Variants in DDX19B observed in about 807,000 individuals in gnomAD.
The protein encoded by DDX19B is ATP-dependent RNA helicase DDX19B.
DDX19B carries 27 observed loss-of-function variants against 58.1 expected under a neutral mutation model. The observed-to-expected ratio is 0.46, with a 90% confidence interval of 0.34 to 0.64. The LOEUF is 0.64. Ranked by LOEUF, DDX19B falls within the 30% of genes least tolerant of loss-of-function variation. The probability of loss-of-function intolerance (pLI) is 0.01; values close to 1 mark genes in which losing one functional copy is unlikely to be tolerated. For missense variants in DDX19B, 399 were observed against 596.5 expected (o/e 0.67, Z 3.45); for synonymous variants, 187 against 214.4 (o/e 0.87, Z 1.12).
At chr16:70,303,239 C>T (rs918071230) in intron 1 of DDX19B, among the ~76,000 whole-genome samples, 2 of 152,170 alleles carry the variant, frequency 1.3e-5, no homozygotes, top group African/African-American at 4.8e-5. Context: ...ACCTCCACCT[C>T]CTGGGCTCAA....
upstream of DDX19B, chr16:70,294,873 G>A (rs1211734874): frequency 6.5e-7 from 1 of 1,526,772 alleles, no homozygotes; most frequent in East Asian, 2.5e-5. Context: ...GCGCGTCCAA[G>A]ATCGCGCCCT....
rs1963632769 is a variant in DDX19B at position 70,334,506 on chromosome 16, A to G, written c.*924A>G. ...AAGTCTTCATGGCCAGCCTCAAGGC[A>G]GTTCTAGATGTGATCAGCAGTAGTC... is the stretch of plus-strand genomic sequence containing the variant. On this transcript the variant is annotated 3_prime_UTR_variant, in exon 12 of 12. Coordinates refer to ENST00000288071, the MANE Select transcript of DDX19B (RefSeq NM_007242.7). 1 of 152,232 alleles carries G rather than the reference A, an allele frequency of 6.6e-6. No homozygotes were observed. The highest frequency in any genetic ancestry group is 1.5e-5 in the Non-Finnish European group (1 of 68,066). 9.4% of individuals were successfully genotyped at this position (152,232 alleles called of 1,614,324 possible).
In DDX19B at chr16:70,317,500, C is replaced by T. The variant is rs1393702129; in HGVS notation, c.301C>T (p.Pro101Ser). 6.2e-7 allele frequency: 1 copy of T among 1,610,916 alleles called. No individual in the cohort carries two copies. Among genetic ancestry groups the T allele is most frequent in the Admixed American group, 1.7e-5 (1 of 59,354 alleles). The change falls in exon 5 of 12, where the codon CCA becomes TCA. Residue 101 changes from proline (P) to serine (S), a missense_variant. Pro to Ser is a moderately conservative substitution (Grantham distance 74, BLOSUM62 -1). This residue lies in a region of DDX19B where 132 missense variants were observed against 159.4 expected (regional missense o/e 0.83). Coordinates refer to ENST00000288071, the MANE Select transcript of DDX19B (RefSeq NM_007242.7). Reference sequence around the variant, plus strand: ...CATCTTTAACTGTTTTTCTAGGAAACCACAGCTTCTCCAAGGAGTCTATGC... The same window carrying T: ...CATCTTTAACTGTTTTTCTAGGAAATCACAGCTTCTCCAAGGAGTCTATGC... ...VKSFEELRLK[P>S]QLLQGVYAMG... is the part of the protein sequence containing the mutation.
At chr16:70,327,388 C>T (rs1360575260) in intron 7 of DDX19B, among the ~76,000 whole-genome samples, 3 of 151,810 alleles carry the variant, frequency 2.0e-5, no homozygotes, top group Non-Finnish European at 4.4e-5. Context: ...GAAAAATTAG[C>T]CAGGTGTGGT....
chr16:70,306,116 G>C (rs1056104260), intron 1 of DDX19B, among the ~76,000 whole-genome samples: 2 of 151,464 alleles, frequency 1.3e-5, no homozygotes, highest in Admixed American at 1.3e-4. Context: ...CTAACTTCTT[G>C]TTAGGTCAGT....
In DDX19B at chr16:70,335,082, T is replaced by G. The variant is rs143659530; in HGVS notation, c.*1500T>G. On this transcript the variant is annotated 3_prime_UTR_variant, in exon 12 of 12. Transcript: ENST00000288071. ...CCAGGTGATTTCTTTAATCTGACATTACAAAGAGACCAACAGACTGCCAAT... is the reference window on the plus strand; with the variant it reads ...CCAGGTGATTTCTTTAATCTGACATGACAAAGAGACCAACAGACTGCCAAT... 2 of 152,352 alleles carry G rather than the reference T, an allele frequency of 1.3e-5. No individual in the cohort carries two copies. The highest frequency in any genetic ancestry group is 2.9e-5 in the Non-Finnish European group (2 of 68,052). 9.4% of individuals were successfully genotyped at this position (152,352 alleles called of 1,614,324 possible).
rs952692567 is a variant in DDX19B at position 70,334,354 on chromosome 16, G to T, written c.*772G>T. 6.6e-6 allele frequency: 1 copy of T among 151,994 alleles called. No homozygotes were observed. Among genetic ancestry groups the T allele is most frequent in the Non-Finnish European group, 1.5e-5 (1 of 68,090 alleles). The allele number at this position is 151,994 out of a possible 1,614,324, so 9.4% of individuals were successfully genotyped here. A position where few individuals can be genotyped will look rare whatever the true frequency, so the allele number is the denominator to read the frequency against. On this transcript the variant is annotated 3_prime_UTR_variant, in exon 12 of 12. Coordinates refer to ENST00000288071, the MANE Select transcript of DDX19B (RefSeq NM_007242.7). Reference sequence around the variant, plus strand: ...ATGGAGAATTAGTGGTGGCCCTAGCGTGCCACAAAACCTGGTCTCATGAGC... The same window carrying T: ...ATGGAGAATTAGTGGTGGCCCTAGCTTGCCACAAAACCTGGTCTCATGAGC...
intron 5 of DDX19B, among the ~76,000 whole-genome samples, chr16:70,324,055 GT>G (rs1963002178): frequency 1.3e-5 from 2 of 152,238 alleles, no homozygotes; most frequent in South Asian, 4.1e-4. Context: ...GGGAGAGAGA[GT>G]AGTAGGAAAT....
Position 70,317,559 on chromosome 16 carries a change from G to A in DDX19B, c.360G>A (p.Glu120=). ...TCAATCGTCCATCCAAGATACAAGA[G>A]AACGCATTGCCACTGATGCTTGCTG... ...MGFNRPSKIQ[E]NALPLMLAEP... Residue 120 remains glutamate (E), a synonymous_variant, in exon 5 of 12, where the codon GAG becomes GAA. Coordinates refer to ENST00000288071, the MANE Select transcript of DDX19B (RefSeq NM_007242.7). 1 of 1,613,124 alleles carries A rather than the reference G, an allele frequency of 6.2e-7. No individual in the cohort carries two copies. The highest frequency in any genetic ancestry group is 8.5e-7 in the Non-Finnish European group (1 of 1,179,390).
intron 5 of DDX19B, among the ~76,000 whole-genome samples, chr16:70,320,417 G>C (rs968815711): frequency 6.7e-5 from 10 of 149,324 alleles, no homozygotes; most frequent in African/African-American, 2.2e-4. Flanking sequence ...TGTTATCCAG[G>C]CTAGGTGCAC....
chr16:70,333,500 A>C (rs763735849), intron 11 of DDX19B, 21 bp from the exon 12 acceptor site: 12 of 1,613,894 alleles, frequency 7.4e-6, no homozygotes, highest in Non-Finnish European at 1.0e-5. Flanking sequence ...CAGGGTAGAG[A>C]CCTGTGTATC....
In DDX19B at chr16:70,299,190, C is replaced by T. The variant is rs1961344436; in HGVS notation, c.-108C>T. The T allele has an allele frequency of 7.1e-7, 1 of 1,402,136 alleles. No individual in the cohort carries two copies. Among genetic ancestry groups the T allele is most frequent in the African/African-American group, 1.5e-5 (1 of 67,766 alleles). The allele number at this position is 1,402,136 out of a possible 1,614,324, so 86.9% of individuals were successfully genotyped here. On this transcript the variant is annotated 5_prime_UTR_variant, in exon 1 of 12. Transcript: ENST00000288071. ...GTGGCGCGCCGCTTCCGGTCTGCAGCCTTGTAGTGGGGCTGGAGCAGAGCC... is the reference window on the plus strand; with the variant it reads ...GTGGCGCGCCGCTTCCGGTCTGCAGTCTTGTAGTGGGGCTGGAGCAGAGCC...
At chr16:70,309,602 G>A (rs1294706216) in intron 1 of DDX19B, among the ~76,000 whole-genome samples, 1 of 151,018 alleles carries the variant, frequency 6.6e-6, no homozygotes, top group African/African-American at 2.4e-5. Flanking sequence ...GGTGGATCAC[G>A]AGGTCGAGAG....
intron 5 of DDX19B, among the ~76,000 whole-genome samples, chr16:70,323,794 C>A (rs1440804613): frequency 3.3e-5 from 5 of 152,138 alleles, no homozygotes; most frequent in Non-Finnish European, 7.3e-5. Context: ...TTACCCCCTA[C>A]CCTGCTACCA....
chr16:70,323,225 G>T (rs371719455), intron 5 of DDX19B, among the ~76,000 whole-genome samples: 12 of 152,052 alleles, frequency 7.9e-5, no homozygotes, highest in African/African-American at 2.9e-4. Flanking sequence ...TCACATGTCA[G>T]CCTCCCAGGT....
In DDX19B at chr16:70,301,744, G is replaced by A. The variant is rs1255535145; in HGVS notation, c.57+2390G>A. On this transcript the variant is annotated intron_variant, in intron 1 of 11. Coordinates refer to ENST00000288071, the MANE Select transcript of DDX19B (RefSeq NM_007242.7). The stretch of plus-strand genomic sequence containing the variant: ...GTGTCTGTCTATGTTGCCCAATTTG[G>A]AGTGCAGTAGCTATTCACAGGCAGA... 2.0e-5 allele frequency among the ~76,000 whole-genome samples: 3 copies of A among 146,808 alleles called. No individual in the cohort carries two copies. The Admixed American group carries it at 2.1e-4, about 10-fold the overall frequency.
At chr16:70,326,431 A>G (rs1035351895) in intron 7 of DDX19B, among the ~76,000 whole-genome samples, 3 of 152,250 alleles carry the variant, frequency 2.0e-5, no homozygotes, top group Non-Finnish European at 4.4e-5. Flanking sequence ...GAGCTGAAAT[A>G]GCGCCACTGC....
At position 70,329,818 on chromosome 16, in the gene DDX19B, C is replaced by G; in HGVS notation, c.786-13C>G. ...GGCCACCTGGGGCCACCTACCAGGG[C>G]CTTCCCTTGCAGGATGCTGCCCAGG... On this transcript the variant is annotated splice_polypyrimidine_tract_variant and intron_variant, in intron 8 of 11. Transcript: ENST00000288071. 6.2e-7 allele frequency: 1 copy of G among 1,613,882 alleles called. No individual in the cohort carries two copies. Among genetic ancestry groups the G allele is most frequent in the Non-Finnish European group, 8.5e-7 (1 of 1,179,928 alleles).
chr16:70,312,711 G>A lies in DDX19B; in HGVS notation c.106+54G>A, dbSNP rs1962156481. 3 of 1,526,554 alleles carry A rather than the reference G, an allele frequency of 2.0e-6. No individual in the cohort carries two copies. In the East Asian group the frequency reaches 6.9e-5, roughly 35 times the overall value. 94.6% of individuals were successfully genotyped at this position (1,526,554 alleles called of 1,614,324 possible). A position where few individuals can be genotyped will look rare whatever the true frequency, so the allele number is the denominator to read the frequency against. ...AAATGTGATTTCCTTCAGTATTTTTGTTTTGGCATAACAACTGTCTGGAAA... is the reference window on the plus strand; with the variant it reads ...AAATGTGATTTCCTTCAGTATTTTTATTTTGGCATAACAACTGTCTGGAAA... On this transcript the variant is annotated intron_variant, in intron 2 of 11. Coordinates refer to ENST00000288071, the MANE Select transcript of DDX19B (RefSeq NM_007242.7).
Sources: gnomAD v4.1 joint callset for allele counts (sites outside exome capture counted in the v4.1 genomes callset) on GRCh38, gnomAD v4.1.1 for gene constraint, gnomAD v4.1.1 regional missense constraint, MANE v1.5 for transcripts, NCBI Gene and HGNC (gene_info 2026-07-23, HGNC 2026-07-21) for gene names.